The following LIMS1 variants were observed in gnomAD, a reference collection of about 807,000 sequenced individuals.
LIMS1 encodes the protein LIM zinc finger domain containing 1.
LIMS1 carries 18 observed loss-of-function variants against 44.1 expected under a neutral mutation model. That is an observed-to-expected ratio of 0.41 (90% CI 0.28 to 0.61). The LOEUF (loss-of-function observed/expected upper bound fraction) is 0.61. Among genes scored for constraint, LIMS1 ranks in the 20% least tolerant of loss-of-function variants. LIMS1 has a pLI of 0.32. For synonymous variants in LIMS1, 93 were observed against 149.1 expected, an observed-to-expected ratio of 0.62 and a Z score of 2.74; for missense variants, 201 against 422.0, an observed-to-expected ratio of 0.48 and a Z score of 4.59.
At chr2:108,589,335 G>A (rs946040092) in intron 1 of LIMS1, among the ~76,000 whole-genome samples, 3 of 151,838 alleles carry the variant, frequency 2.0e-5, no homozygotes, top group South Asian at 2.1e-4. Context: ...TCACTTTTTC[G>A]TGGTAACAAC....
At chr2:108,677,522 A>T (rs569565648) in intron 7 of LIMS1, 1 of 160,588 alleles carries the variant, frequency 6.2e-6, no homozygotes, top group East Asian at 1.9e-4. Context: ...GTGGGCAATC[A>T]TTTTATGACC....
chr2:108,662,548 A>C (rs1053773), intron 2 of LIMS1: 45,034 of 1,245,560 alleles, frequency 0.036, 928 homozygotes, highest in Middle Eastern at 0.054. Flanking sequence ...ATTTTGGCTA[A>C]ATTGTTTATC....
At chr2:108,596,153 G>A (rs1023228732) in intron 1 of LIMS1, among the ~76,000 whole-genome samples, 6 of 152,028 alleles carry the variant, frequency 3.9e-5, no homozygotes, top group African/African-American at 1.4e-4. Context: ...GCCATTCAGC[G>A]GCCAACATTT....
intron 1 of LIMS1, among the ~76,000 whole-genome samples, chr2:108,559,695 T>C (rs796377750): frequency 9.8e-5 from 15 of 152,364 alleles, no homozygotes; most frequent in African/African-American, 3.4e-4. Context: ...GTGCTTGTTA[T>C]AGAATCTATA....
chr2:108,631,550 CT>C (rs67517304), intron 1 of LIMS1, among the ~76,000 whole-genome samples: 59,399 of 142,978 alleles, frequency 0.42, 13,499 homozygotes, highest in East Asian at 0.94. Context: ...ACCGTGTTGC[CT>C]TTTTTTTTTT....
chr2:108,670,957 G>C (rs527254240), intron 3 of LIMS1, 110 bp downstream of exon 3: 3 of 1,072,132 alleles, frequency 2.8e-6, no homozygotes, highest in Non-Finnish European at 4.3e-6. Flanking sequence ...GATCACCTGA[G>C]GTCAGGAATT....
intron 1 of LIMS1, among the ~76,000 whole-genome samples, chr2:108,557,114 G>T (rs1684949478): frequency 6.6e-6 from 1 of 152,038 alleles, no homozygotes; most frequent in Admixed American, 6.5e-5. Flanking sequence ...GTCTCACTGT[G>T]TCTCCCAGGC....
At chr2:108,669,898 A>T (rs1003310709) in intron 2 of LIMS1, among the ~76,000 whole-genome samples, 1 of 152,190 alleles carries the variant, frequency 6.6e-6, no homozygotes, top group Non-Finnish European at 1.5e-5. Flanking sequence ...AACATAGTAT[A>T]AAAAAATTAA....
At chr2:108,673,450 A>G (rs1179244203) in intron 5 of LIMS1, 1 of 245,414 alleles carries the variant, frequency 4.1e-6, no homozygotes, top group Non-Finnish European at 8.0e-6. Context: ...TGCAGTGGGC[A>G]ATCAGAGCTC....
chr2:108,676,225 A>G (rs1692554711), intron 6 of LIMS1, among the ~76,000 whole-genome samples, 197 bp downstream of exon 6: 1 of 152,234 alleles, frequency 6.6e-6, no homozygotes, highest in Non-Finnish European at 1.5e-5. Context: ...GCTGACAGCT[A>G]AGAATATATA....
intron 1 of LIMS1, among the ~76,000 whole-genome samples, chr2:108,544,177 A>T (rs1286658872): frequency 2.6e-5 from 4 of 152,208 alleles, no homozygotes; most frequent in Non-Finnish European, 5.9e-5. Flanking sequence ...GGACCAGTCA[A>T]ATATTATTGG....
intron 1 of LIMS1, among the ~76,000 whole-genome samples, chr2:108,631,922 CATT>C (rs1215636260): frequency 6.6e-6 from 1 of 152,200 alleles, no homozygotes; most frequent in African/African-American, 2.4e-5. Context: ...AGCTCCTTCA[CATT>C]TGGAACCGCT....
intron 1 of LIMS1, among the ~76,000 whole-genome samples, chr2:108,573,997 C>T (rs928743087): frequency 1.3e-5 from 2 of 152,086 alleles, no homozygotes; most frequent in African/African-American, 4.8e-5. Context: ...AGTCTTTACT[C>T]ACTCTCCATG....
At chr2:108,641,384 A>T (rs1689655617) in intron 1 of LIMS1, among the ~76,000 whole-genome samples, 1 of 152,218 alleles carries the variant, frequency 6.6e-6, no homozygotes, top group Admixed American at 6.5e-5. Flanking sequence ...AGACAATTAG[A>T]TGCAAATAGC....
At chr2:108,633,592 A>T (rs1032692789) in intron 1 of LIMS1, among the ~76,000 whole-genome samples, 1 of 152,064 alleles carries the variant, frequency 6.6e-6, no homozygotes, top group African/African-American at 2.4e-5. Flanking sequence ...GTTAGTTTTG[A>T]TTACATTTTT....
intron 2 of LIMS1, among the ~76,000 whole-genome samples, chr2:108,666,187 T>G: frequency 6.6e-6 from 1 of 152,222 alleles, no homozygotes. Flanking sequence ...CCCAGATTGC[T>G]TCACCTGTCC....
In LIMS1 at chr2:108,679,763, A is replaced by G. The variant is rs181405214; in HGVS notation, c.824-932A>G. On this transcript the variant is annotated intron_variant, in intron 8 of 9. Coordinates refer to ENST00000544547, the Ensembl canonical transcript of LIMS1. Reference sequence around the variant, plus strand: ...AAGACCTCCATCTCTACAAAATAAAAAATTAGCCAGGTGTGGTAGCACACA... The same window carrying G: ...AAGACCTCCATCTCTACAAAATAAAGAATTAGCCAGGTGTGGTAGCACACA... 4.6e-4 allele frequency among the ~76,000 whole-genome samples: 70 copies of G among 151,916 alleles called. 1 individual carries two copies. The highest frequency in any genetic ancestry group is 6.8e-3 in the Middle Eastern group (2 of 294).
chr2:108,579,096 A>T (rs550563389), intron 1 of LIMS1, among the ~76,000 whole-genome samples: 1 of 151,800 alleles, frequency 6.6e-6, no homozygotes, highest in Non-Finnish European at 1.5e-5. Flanking sequence ...CCAAAGTCCA[A>T]TTTTTTTTGA....
intron 1 of LIMS1, among the ~76,000 whole-genome samples, chr2:108,627,025 CTATAA>C (rs1443849943): frequency 3.3e-5 from 5 of 152,168 alleles, no homozygotes; most frequent in African/African-American, 1.2e-4. Flanking sequence ...TTTTACTATA[CTATAA>C]TATTTTTAGC....
Sources: allele counts gnomAD v4.1 joint callset (sites outside exome capture counted in the v4.1 genomes callset), GRCh38; gene constraint gnomAD v4.1.1; transcripts MANE v1.5; gene names NCBI Gene and HGNC (gene_info 2026-07-23, HGNC 2026-07-21).